Variants in ZNF407 observed in about 807,000 individuals in gnomAD.
The protein encoded by ZNF407 is zinc finger protein 407.
A neutral mutation model predicts 131.2 loss-of-function variants in ZNF407; 17 were observed. That is an observed-to-expected ratio of 0.13 (90% CI 0.09 to 0.19). ZNF407 has a LOEUF of 0.19. Among genes scored for constraint, ZNF407 ranks in the 10% least tolerant of loss-of-function variants. ZNF407 has a pLI of 1.00. For missense variants in ZNF407, 2,681 were observed against 2,830.6 expected, an observed-to-expected ratio of 0.95 and a Z score of 1.20; for synonymous variants, 1,156 against 1,062.0, an observed-to-expected ratio of 1.09 and a Z score of -1.72.
intron 4 of ZNF407, among the ~76,000 whole-genome samples, chr18:74,871,336 A>G (rs576825291): frequency 1.3e-5 from 2 of 152,202 alleles, no homozygotes; most frequent in Non-Finnish European, 2.9e-5. Context: ...TATCTTGAAA[A>G]AAGAAGGCTT....
At chr18:74,958,897 ACT>A (rs1448781637) in intron 8 of ZNF407, among the ~76,000 whole-genome samples, 5 of 152,092 alleles carry the variant, frequency 3.3e-5, no homozygotes, top group South Asian at 2.1e-4. Context: ...GCACACAAAA[ACT>A]CTTTCAATAA....
At chr18:74,802,649 GA>G (rs761610804) in intron 4 of ZNF407, among the ~76,000 whole-genome samples, 13 of 152,240 alleles carry the variant, frequency 8.5e-5, no homozygotes, top group Admixed American at 3.9e-4. Context: ...ACAATTGTTT[GA>G]CGGAAAATTT....
chr18:74,901,245 CT>C (rs1396928097), intron 7 of ZNF407, among the ~76,000 whole-genome samples: 1 of 152,202 alleles, frequency 6.6e-6, no homozygotes, highest in Non-Finnish European at 1.5e-5. Context: ...GGAATTGTTG[CT>C]GCTTCGTTTC....
intron 4 of ZNF407, chr18:74,804,215 T>C: frequency 7.7e-7 from 1 of 1,305,820 alleles, no homozygotes; most frequent in East Asian, 2.8e-5. Context: ...ATCACACAAA[T>C]GTAGGCTAGT....
At chr18:74,653,862 G>GA (rs762110767) in intron 3 of ZNF407, among the ~76,000 whole-genome samples, 3 of 151,498 alleles carry the variant, frequency 2.0e-5, no homozygotes, top group Non-Finnish European at 3.0e-5. Flanking sequence ...CTATTTTTTA[G>GA]AAAAAAATGA....
chr18:74,917,279 A>G (rs1971785557), intron 7 of ZNF407, among the ~76,000 whole-genome samples: 1 of 152,152 alleles, frequency 6.6e-6, no homozygotes, highest in African/African-American at 2.4e-5. Flanking sequence ...GCATGTGTTT[A>G]TGCTTCTGGT....
intron 3 of ZNF407, among the ~76,000 whole-genome samples, chr18:74,762,033 G>C (rs79776025): frequency 0.021 from 3,221 of 152,176 alleles, 103 homozygotes; most frequent in African/African-American, 0.068. Context: ...TATATAGTCA[G>C]TCAGTCTCTC....
chr18:74,857,717 CT>C (rs1364632143), intron 4 of ZNF407, among the ~76,000 whole-genome samples: 6 of 151,846 alleles, frequency 4.0e-5, no homozygotes, highest in East Asian at 3.9e-4. Flanking sequence ...CATAAAGTAG[CT>C]TTTTTTTAAA....
chr18:74,676,459 C>T (rs113520485), intron 3 of ZNF407, among the ~76,000 whole-genome samples: 3,292 of 124,782 alleles, frequency 0.026, 66 homozygotes, highest in Middle Eastern at 0.083. Flanking sequence ...TTTTTTGAGA[C>T]GGAGTCTCGC....
chr18:74,756,696 G>C (rs894357500), intron 3 of ZNF407, among the ~76,000 whole-genome samples: 5 of 151,880 alleles, frequency 3.3e-5, no homozygotes, highest in Admixed American at 2.6e-4. Flanking sequence ...AATTCTTCAG[G>C]ATCTTCTGTG....
At chr18:74,794,655 A>G (rs1969886678) in intron 4 of ZNF407, among the ~76,000 whole-genome samples, 1 of 152,182 alleles carries the variant, frequency 6.6e-6, no homozygotes, top group Non-Finnish European at 1.5e-5. Flanking sequence ...TAGATGAACT[A>G]GGTTTTCAAA....
intron 8 of ZNF407, among the ~76,000 whole-genome samples, chr18:74,962,428 C>G (rs894366947): frequency 3.9e-5 from 6 of 152,334 alleles, no homozygotes; most frequent in African/African-American, 1.4e-4. Flanking sequence ...CCCTGTTTCT[C>G]CAGCACAGAG....
chr18:74,633,494 T>C lies in ZNF407; in HGVS notation c.2475T>C (p.Gly825=), dbSNP rs1406825118. Residue 825 remains glycine (G), a synonymous_variant, in exon 2 of 9, where the codon GGT becomes GGC. Transcript: ENST00000299687. ...MLASEELSQS[G]GSTKDDELAS... ...CGTCTGAGGAACTGTCACAGTCTGGTGGTAGCACCAAAGATGATGAATTAG... is the reference window on the plus strand; with the variant it reads ...CGTCTGAGGAACTGTCACAGTCTGGCGGTAGCACCAAAGATGATGAATTAG... The C allele has an allele frequency of 6.2e-7, 1 of 1,613,968 alleles. No individual in the cohort carries two copies. The highest frequency in any genetic ancestry group is 8.5e-7 in the Non-Finnish European group (1 of 1,179,878).
rs929826014 is a variant in ZNF407, at chr18:74,710,549, A to G, written c.4802+69427A>G. Among the ~76,000 whole-genome samples, 4 of 152,258 alleles carry G rather than the reference A, an allele frequency of 2.6e-5. No homozygotes were observed. In the South Asian group the frequency reaches 8.3e-4, roughly 32 times the overall value. ...TACCTGCCCATTCCTTTTCCCACAGATACTGGAACATTGTCAATACTGTCC... is the reference window on the plus strand; with the variant it reads ...TACCTGCCCATTCCTTTTCCCACAGGTACTGGAACATTGTCAATACTGTCC... On this transcript the variant is annotated intron_variant, in intron 3 of 8. Coordinates refer to ENST00000299687, the MANE Select transcript of ZNF407 (RefSeq NM_017757.3).
chr18:74,721,000 T>A (rs1250973757), intron 3 of ZNF407, among the ~76,000 whole-genome samples: 1 of 151,960 alleles, frequency 6.6e-6, no homozygotes, highest in Non-Finnish European at 1.5e-5. Flanking sequence ...TCATTAACAT[T>A]TTCAGAGTTT....
chr18:74,760,288 A>G (rs1042614047), intron 3 of ZNF407, among the ~76,000 whole-genome samples: 2 of 152,106 alleles, frequency 1.3e-5, no homozygotes, highest in Non-Finnish European at 2.9e-5. Flanking sequence ...TATCAACTCT[A>G]CCTTTACCTT....
At chr18:75,060,495 T>C (rs1240236658) in intron 8 of ZNF407, among the ~76,000 whole-genome samples, 1 of 70,680 alleles carries the variant, frequency 1.4e-5, no homozygotes, top group Non-Finnish European at 3.0e-5. Context: ...CTTTTCTTTT[T>C]TTTCTTTTTT....
chr18:75,055,495 C>T (rs939031861), intron 8 of ZNF407, among the ~76,000 whole-genome samples: 1 of 152,192 alleles, frequency 6.6e-6, no homozygotes, highest in Non-Finnish European at 1.5e-5. Context: ...ACCTCTATTA[C>T]TGTTAGATCT....
chr18:74,916,120 AGTGTGTGT>A (rs367957127), intron 7 of ZNF407, among the ~76,000 whole-genome samples: 2 of 7,256 alleles, frequency 2.8e-4, no homozygotes, highest in East Asian at 7.9e-3. Context: ...TCGAATCGGG[AGTGTGTGT>A]GTGTGTGTGT....
Sources: allele counts gnomAD v4.1 joint callset (sites outside exome capture counted in the v4.1 genomes callset), GRCh38; gene constraint gnomAD v4.1.1; transcripts MANE v1.5; gene names NCBI Gene and HGNC (gene_info 2026-07-23, HGNC 2026-07-21).